MUC4: variants seen among roughly 807,000 people sequenced by gnomAD.
MUC4 encodes mucin-4.
A neutral mutation model predicts 257.9 loss-of-function variants in MUC4; 202 were observed. The observed-to-expected ratio is 0.78, with a 90% CI of 0.70 to 0.88. The LOEUF is 0.88. Ranked by LOEUF, MUC4 falls within the 40% of genes least tolerant of loss-of-function variation. The pLI is 0.00. For synonymous variants in MUC4, 2,351 were observed against 2,757.1 expected, an observed-to-expected ratio of 0.85 and a Z score of 4.62; for missense variants, 5,976 against 6,513.7, an observed-to-expected ratio of 0.92 and a Z score of 2.84.
rs192590598 is a variant in MUC4 at position 195,757,548 on chromosome 3, G to C, written c.14987-220C>G. On this transcript the variant is annotated intron_variant, in intron 17 of 24. Coordinates refer to ENST00000463781, the MANE Select transcript of MUC4 (RefSeq NM_018406.7). The surrounding 1 kb of genome is among the most constrained non-coding windows in gnomAD (Gnocchi z 4.8). ...ACCAGTCCAACATACTGATTGTAGC[G>C]GGGAACGCCACAGAGGGGAAAGCAG... Among the ~76,000 whole-genome samples the C allele has an allele frequency of 6.6e-6, 1 of 152,154 alleles. No individual in the cohort carries two copies. The highest frequency in any genetic ancestry group is 2.4e-5 in the African/African-American group (1 of 41,424).
chr3:195,788,925 C>G lies in MUC4; in HGVS notation c.2655G>C (p.Pro885=), dbSNP rs750573824. The G allele has an allele frequency of 6.2e-7, 1 of 1,613,536 alleles. No homozygotes were observed. Among genetic ancestry groups the G allele is most frequent in the Admixed American group, 1.7e-5 (1 of 59,908 alleles). ...GAGAAGTTGGGCTTGACTGTCCTGT[C>G]GGTCTCCCTGCAGTGGAGGCCTCAG... ...TLSEASTAGR[P]TGQSSPTSPS... Residue 885 remains proline, a synonymous_variant, in exon 2 of 25, where the codon CCG becomes CCC. Transcript: ENST00000463781.
rs770004751 is a variant in MUC4, at chr3:195,751,109, A to G, written c.15651T>C (p.Asp5217=). Residue 5217 remains aspartate, a synonymous_variant, in exon 23 of 25, where the codon GAT becomes GAC. Coordinates refer to ENST00000463781, the MANE Select transcript of MUC4 (RefSeq NM_018406.7). ...GGCTTCCCGAGGCCGGTGCTGCAGA[A>G]TCGCTGTGTGGGAGGGCAACGGTGA... ...FLRNSQVERI[D]SAAPASGSPI... The G allele has an allele frequency of 1.5e-6, 2 of 1,345,526 alleles. No homozygotes were observed. Among genetic ancestry groups the G allele is most frequent in the Admixed American group, 4.3e-5 (2 of 46,888 alleles). 83.3% of individuals were successfully genotyped at this position (1,345,526 alleles called of 1,614,324 possible). A position where few individuals can be genotyped will look rare whatever the true frequency, so the allele number is the denominator to read the frequency against.
At chr3:195,767,510 T>TCATCAC (rs1720934932) in intron 7 of MUC4, among the ~76,000 whole-genome samples, 1 of 35,438 alleles carries the variant, frequency 2.8e-5, no homozygotes, top group African/African-American at 7.9e-5. Flanking sequence ...ACCACCACCA[T>TCATCAC]CACCATCACC....
intron 3 of MUC4, among the ~76,000 whole-genome samples, chr3:195,775,425 C>CTTCCACAGT (rs1724229265): frequency 1.7e-4 from 3 of 17,582 alleles, no homozygotes; most frequent in Non-Finnish European, 2.4e-4. Context: ...CCTTCCACAC[C>CTTCCACAGT]CATACCTTCC....
chr3:195,811,681 C>T (rs1400651676), intron 1 of MUC4, 55 bp downstream of exon 1: 18 of 1,547,410 alleles, frequency 1.2e-5, no homozygotes, highest in Non-Finnish European at 1.5e-5. Context: ...TGACAGCTCC[C>T]ACCTCCCCCA....
chr3:195,807,471 A>T (rs181995651), intron 1 of MUC4, among the ~76,000 whole-genome samples: 20 of 152,266 alleles, frequency 1.3e-4, no homozygotes, highest in Admixed American at 1.3e-3. Flanking sequence ...CTGTCTCAAA[A>T]AACAAACAAA....
In MUC4 at chr3:195,781,290, A is replaced by C. The variant is rs1250495117; in HGVS notation, c.10290T>G (p.Thr3430=). 3 of 1,421,908 alleles carry C rather than the reference A, an allele frequency of 2.1e-6. No individual in the cohort carries two copies. Among genetic ancestry groups the C allele is most frequent in the Non-Finnish European group, 1.9e-6 (2 of 1,057,848 alleles). The allele number at this position is 1,421,908 out of a possible 1,614,324, so 88.1% of individuals were successfully genotyped here. The change falls in exon 2 of 25, where the codon ACT becomes ACG. Residue 3430 remains threonine (T), a synonymous_variant. Coordinates refer to ENST00000463781, the MANE Select transcript of MUC4 (RefSeq NM_018406.7). ...TGGCGTGACCGGTGGATGCTGAGGAAGTGCTGGTGACAGGAAGAGGGGTGG... is the reference window on the plus strand; with the variant it reads ...TGGCGTGACCGGTGGATGCTGAGGACGTGCTGGTGACAGGAAGAGGGGTGG... ...GHATPLPVTS[T]SSASTGHATP...
chr3:195,793,659 C>G (rs1444808753), intron 1 of MUC4, among the ~76,000 whole-genome samples: 1 of 152,144 alleles, frequency 6.6e-6, no homozygotes, highest in Non-Finnish European at 1.5e-5. Context: ...CGCCTGTCTT[C>G]CTTGTGAGGA....
In MUC4 at chr3:195,789,376, G is replaced by T; in HGVS notation, c.2204C>A (p.Thr735Lys). The change falls in exon 2 of 25, where the codon ACA (threonine) becomes AAA (lysine). Residue 735 changes from threonine to lysine, a missense_variant. Coordinates refer to ENST00000463781, the MANE Select transcript of MUC4 (RefSeq NM_018406.7). ...AGAGTTGGCCAGAGTAAGGGCACCT[G>T]TTTTGGAAAGTGACGTGCCTCCTGA... ...GPSGGTSLSK[T>K]GALTLANSVV... The T allele has an allele frequency of 6.2e-7, 1 of 1,613,916 alleles. No homozygotes were observed. The highest frequency in any genetic ancestry group is 8.5e-7 in the Non-Finnish European group (1 of 1,179,890).
chr3:195,764,465 G>A lies in MUC4; in HGVS notation c.13925-301C>T, dbSNP rs569489056. On this transcript the variant is annotated intron_variant, in intron 10 of 24. Coordinates refer to ENST00000463781, the MANE Select transcript of MUC4 (RefSeq NM_018406.7). ...CATTGGGGCCACTGTGCAGCAGGGC[G>A]CATGGTAGGAGCTAAGCAAATTTCC... Among the ~76,000 whole-genome samples the A allele has an allele frequency of 3.9e-5, 6 of 152,326 alleles. No individual in the cohort carries two copies. The East Asian group carries it at 9.6e-4, about 24-fold the overall frequency.
At chr3:195,778,276 G>C in intron 3 of MUC4, 27 bp downstream of exon 3, 2 of 1,572,936 alleles carry the variant, frequency 1.3e-6, no homozygotes, top group Non-Finnish European at 1.7e-6. Flanking sequence ...CCCTCAAAAG[G>C]CACAGGCCTC....
intron 1 of MUC4, among the ~76,000 whole-genome samples, chr3:195,804,997 C>T (rs1352213522): frequency 6.6e-6 from 1 of 152,202 alleles, no homozygotes; most frequent in African/African-American, 2.4e-5. Flanking sequence ...ACATCCCAGG[C>T]CCTGTGGCCT....
chr3:195,789,522 T>C lies in MUC4; in HGVS notation c.2058A>G (p.Ala686=). Residue 686 remains alanine (A), a synonymous_variant, in exon 2 of 25, where the codon GCA becomes GCG. Coordinates refer to ENST00000463781, the MANE Select transcript of MUC4 (RefSeq NM_018406.7). ...AGGTTGTTGCTGCACTTATGGTGGG[T>C]GCGTCCTGAGGAACAATTTCTGAGG... ...HSPSEIVPQD[A]PTISAATTFA... The C allele has an allele frequency of 6.2e-7, 1 of 1,613,804 alleles. No individual in the cohort carries two copies. Among genetic ancestry groups the C allele is most frequent in the Non-Finnish European group, 8.5e-7 (1 of 1,179,848 alleles).
intron 7 of MUC4, 95 bp downstream of exon 7, chr3:195,768,927 C>T (rs377442514): frequency 9.5e-6 from 14 of 1,474,932 alleles, no homozygotes; most frequent in South Asian, 1.3e-5. Flanking sequence ...GGAGGGTTCC[C>T]GCCTTGCCCC....
Position 195,753,128 on chromosome 3 carries a change from A to G in MUC4, c.15431T>C (p.Met5144Thr). The change falls in exon 20 of 25, where the codon ATG (methionine) becomes ACG (threonine). Residue 5144 changes from methionine to threonine, a missense_variant. By Grantham distance (81) the Met-to-Thr change is moderately conservative (BLOSUM62 -1). This residue lies in a region of MUC4 where 996 missense variants were observed against 1,137.3 expected (regional missense o/e 0.88). Coordinates refer to ENST00000463781, the MANE Select transcript of MUC4 (RefSeq NM_018406.7). Reference protein sequence around the residue: ...YISQTLGCQPMCTCPPAFTDS... With the variant: ...YISQTLGCQPTCTCPPAFTDS... ...AGTGAAGGCTGGGGGGCAGGTGCAC[A>G]TGGGCTGACAGCCCAGAGTCTGGGA... 3 of 1,612,926 alleles carry G rather than the reference A, an allele frequency of 1.9e-6. No individual in the cohort carries two copies. The highest frequency in any genetic ancestry group is 1.7e-5 in the Admixed American group (1 of 59,722).
Position 195,790,637 on chromosome 3 carries a change from T to G in MUC4, c.943A>C (p.Thr315Pro), listed in dbSNP as rs3828402. 2,387 of 1,614,028 alleles carry G rather than the reference T, an allele frequency of 1.5e-3. 61 individuals are homozygous for G. In the East Asian group the frequency reaches 0.049, roughly 33 times the overall value. ...TTAGAAAAAGCTGTTGTGTCCTGAG[T>G]AGAAGTCCTTGAGAAAGTTGCTGGT... Reference protein sequence around the residue: ...QSPATFSRTSTQDTTAFSKNH... With the variant: ...QSPATFSRTSPQDTTAFSKNH... The change falls in exon 2 of 25, where the codon ACT becomes CCT. Residue 315 changes from threonine (T) to proline (P), a missense_variant. Thr to Pro is a conservative substitution (Grantham distance 38). Coordinates refer to ENST00000463781, the MANE Select transcript of MUC4 (RefSeq NM_018406.7).
At chr3:195,767,792 GCCACCACCATCATCACCACCATCACCA>G (rs1560265007) in intron 7 of MUC4, among the ~76,000 whole-genome samples, 5 of 32,890 alleles carry the variant, frequency 1.5e-4, no homozygotes, top group South Asian at 1.0e-3. Flanking sequence ...CACCATCATT[GCCACCACCATCATCACCACCATCACCA>G]CCACCACCAC....
chr3:195,775,182 C>T (rs907478111), intron 3 of MUC4, among the ~76,000 whole-genome samples: 1 of 152,058 alleles, frequency 6.6e-6, no homozygotes, highest in Non-Finnish European at 1.5e-5. Flanking sequence ...CAAATCGGAC[C>T]GCTCCAGGCA....
Position 195,783,651 on chromosome 3 carries a change from G to C in MUC4, c.7929C>G (p.Val2643=), listed in dbSNP as rs766980913. Residue 2643 remains valine, a synonymous_variant, in exon 2 of 25, where the codon GTC becomes GTG. Transcript: ENST00000463781. The part of the protein sequence containing the change: ...ASTGHATPLL[V]TDASSASTGQ... ...CTGTGGATGCTGAGGAAGCGTCGGT[G>C]ACAAGAAGAGGAGTGGCGTGACCTG... 1 of 374,394 alleles carries C rather than the reference G, an allele frequency of 2.7e-6. No homozygotes were observed. The highest frequency in any genetic ancestry group is 2.5e-5 in the South Asian group (1 of 40,006). The allele number at this position is 374,394 out of a possible 1,614,324, so 23.2% of individuals were successfully genotyped here.
Sources: gnomAD v4.1 joint callset for allele counts (sites outside exome capture counted in the v4.1 genomes callset) on GRCh38, gnomAD v4.1.1 for gene constraint, gnomAD v4.1.1 regional missense constraint, Gnocchi (gnomAD v3.1) non-coding constraint, MANE v1.5 for transcripts, NCBI Gene and HGNC (gene_info 2026-07-23, HGNC 2026-07-21) for gene names.